The following GAB2 variants were observed in gnomAD, a reference collection of about 807,000 sequenced individuals.
The protein encoded by GAB2 is GRB2-associated-binding protein 2.
In GAB2, 26 loss-of-function variants were observed where a neutral mutation model predicts 65.5. The ratio of observed to expected loss-of-function variants is 0.40; its 90% CI spans 0.29 to 0.55. The LOEUF is 0.55. Ranked by LOEUF, GAB2 falls within the 20% of genes least tolerant of loss-of-function variation. The pLI is 0.53. For synonymous variants in GAB2, 321 were observed against 329.6 expected (o/e 0.97, Z 0.28); for missense variants, 884 against 875.8 (o/e 1.01, Z -0.12).
At chr11:78,266,620 A>G (rs1179471951) in intron 2 of GAB2, among the ~76,000 whole-genome samples, 1 of 152,240 alleles carries the variant, frequency 6.6e-6, no homozygotes, top group African/African-American at 2.4e-5. Context: ...TCTGGTAGTT[A>G]TATCTTGGCA....
At chr11:78,269,717 T>G (rs1395204556) in intron 2 of GAB2, among the ~76,000 whole-genome samples, 2 of 152,250 alleles carry the variant, frequency 1.3e-5, no homozygotes, top group African/African-American at 4.8e-5. Flanking sequence ...ACTAGAAGTT[T>G]AAGTATTTAC....
chr11:78,356,366 A>G (rs562820712), intron 1 of GAB2, among the ~76,000 whole-genome samples: 1 of 152,322 alleles, frequency 6.6e-6, no homozygotes, highest in East Asian at 1.9e-4. Context: ...CCTGCAAGAC[A>G]GAAATGTTTA....
At chr11:78,227,606 G>A (rs1864712525) in intron 3 of GAB2, among the ~76,000 whole-genome samples, 1 of 132,880 alleles carries the variant, frequency 7.5e-6, no homozygotes. Flanking sequence ...ACCAGCCTGG[G>A]AACACAATAA....
At chr11:78,372,895 A>G (rs998961130) in intron 1 of GAB2, among the ~76,000 whole-genome samples, 4 of 152,146 alleles carry the variant, frequency 2.6e-5, no homozygotes, top group African/African-American at 2.4e-5. Context: ...ATTCTTTATT[A>G]AGAAGATTCA....
intron 2 of GAB2, among the ~76,000 whole-genome samples, chr11:78,265,120 C>T (rs768428622): frequency 4.6e-5 from 7 of 151,530 alleles, no homozygotes; most frequent in African/African-American, 9.7e-5. Flanking sequence ...TCCAAGACCA[C>T]GTTTAGACTA....
intron 1 of GAB2, chr11:78,341,825 T>C (rs1042680743): frequency 6.4e-5 from 63 of 985,044 alleles, no homozygotes; most frequent in Non-Finnish European, 7.6e-5. Context: ...CTCGCCTTTG[T>C]CTCAGTTACT....
intron 1 of GAB2, among the ~76,000 whole-genome samples, chr11:78,409,695 A>G (rs1857102391): frequency 6.6e-6 from 1 of 152,246 alleles, no homozygotes; most frequent in Non-Finnish European, 1.5e-5. Context: ...CTGTCTCTCA[A>G]CAATCGACAG....
chr11:78,367,787 A>T (rs1337441412), intron 1 of GAB2, among the ~76,000 whole-genome samples: 4 of 150,738 alleles, frequency 2.7e-5, no homozygotes, highest in Non-Finnish European at 3.0e-5. Flanking sequence ...TTCAGAAAAC[A>T]TCTCAGAATA....
intron 9 of GAB2, among the ~76,000 whole-genome samples, 158 bp downstream of exon 9, chr11:78,220,161 G>A (rs1864349895): frequency 6.6e-6 from 1 of 152,214 alleles, no homozygotes; most frequent in African/African-American, 2.4e-5. Flanking sequence ...AGACCTAGAT[G>A]AAAGCTCTAT....
At chr11:78,309,926 A>ATGTGTGTGTGTGTGTGTGTGTGTG (rs60718900) in intron 1 of GAB2, among the ~76,000 whole-genome samples, 15 of 135,698 alleles carry the variant, frequency 1.1e-4, no homozygotes, top group African/African-American at 4.5e-4. Flanking sequence ...AGGGTTAGAA[A>ATGTGTGTGTGTGTGTGTGTGTGTG]TGTGTGTGTG....
chr11:78,321,076 C>T (rs1349230036), intron 1 of GAB2, among the ~76,000 whole-genome samples: 3 of 152,086 alleles, frequency 2.0e-5, no homozygotes, highest in African/African-American at 4.8e-5. Context: ...GCAGGTTTCC[C>T]GAGCTGTAGG....
At chr11:78,404,182 C>G (rs1210192214) in intron 1 of GAB2, among the ~76,000 whole-genome samples, 1 of 152,204 alleles carries the variant, frequency 6.6e-6, no homozygotes, top group African/African-American at 2.4e-5. Flanking sequence ...AGCCAACATG[C>G]AGAATCAACC....
Position 78,247,069 on chromosome 11 carries a change from T to C in GAB2, c.620+3088A>G, listed in dbSNP as rs562165789. ...AATGGGGCTCCTCTTCTGGTTCCCC[T>C]ACTCAGAAAGATGGGGTTTTTTATG... On this transcript the variant is annotated intron_variant, in intron 3 of 9. Coordinates refer to ENST00000361507, the MANE Select transcript of GAB2 (RefSeq NM_080491.3). Among the ~76,000 whole-genome samples the C allele has an allele frequency of 2.0e-5, 3 of 152,334 alleles. No homozygotes were observed. The East Asian group carries it at 5.8e-4, about 29-fold the overall frequency.
chr11:78,414,156 C>T (rs868378223), intron 1 of GAB2, among the ~76,000 whole-genome samples: 2 of 151,346 alleles, frequency 1.3e-5, no homozygotes, highest in South Asian at 2.1e-4. Context: ...GAAAATGTGG[C>T]CATTCATCGT....
chr11:78,367,826 T>TC (rs1856516999), intron 1 of GAB2, among the ~76,000 whole-genome samples: 3 of 142,972 alleles, frequency 2.1e-5, no homozygotes, highest in African/African-American at 8.2e-5. Context: ...TTTTTCTTTT[T>TC]TTTTTTTTTT....
intron 1 of GAB2, among the ~76,000 whole-genome samples, chr11:78,333,273 T>A (rs2134680210): frequency 6.6e-6 from 1 of 152,310 alleles, no homozygotes. Flanking sequence ...TTTTTTTATT[T>A]TTTATTTTTA....
chr11:78,280,841 G>C lies in GAB2; in HGVS notation c.136C>G (p.Leu46Val), dbSNP rs753269969. The C allele has an allele frequency of 1.3e-5, 21 of 1,613,978 alleles. No homozygotes were observed. The highest frequency in any genetic ancestry group is 1.8e-5 in the Non-Finnish European group (21 of 1,179,946). Residue 46 changes from leucine (L) to valine (V), a missense_variant, in exon 2 of 10, where the codon CTG becomes GTG. By Grantham distance (32) the Leu-to-Val change is conservative. Transcript: ENST00000361507. ...SGRMSGDPDVLEYYKNDHSKK... is the reference protein window; with the variant it reads ...SGRMSGDPDVVEYYKNDHSKK... ...GAGTGATCGTTCTTGTAGTATTCCA[G>C]AACATCTGGGTCACCGCTCATCCGG...
At position 78,220,410 on chromosome 11, in the gene GAB2, C is replaced by A; in HGVS notation, c.1796G>T (p.Gly599Val). The part of the protein sequence containing the change: ...NPVSASPVPS[G>V]TNSPAPKKST... Reference sequence around the variant, plus strand: ...CTTCTTAGGGGCAGGACTGTTCGTGCCACTGGGAACGGGAGATGCAGACAC... The same window carrying A: ...CTTCTTAGGGGCAGGACTGTTCGTGACACTGGGAACGGGAGATGCAGACAC... Residue 599 changes from glycine (G) to valine (V), a missense_variant, in exon 9 of 10, where the codon GGC (glycine) becomes GTC (valine). Transcript: ENST00000361507. 6.3e-7 allele frequency: 1 copy of A among 1,594,262 alleles called. No homozygotes were observed. The highest frequency in any genetic ancestry group is 8.6e-7 in the Non-Finnish European group (1 of 1,165,362).
intron 1 of GAB2, among the ~76,000 whole-genome samples, chr11:78,359,773 T>G (rs1856408982): frequency 6.6e-6 from 1 of 152,208 alleles, no homozygotes; most frequent in African/African-American, 2.4e-5. Context: ...AGTTTAGGTA[T>G]GCTAAGATTC....
Sources: gnomAD v4.1 joint callset for allele counts (sites outside exome capture counted in the v4.1 genomes callset) on GRCh38, gnomAD v4.1.1 for gene constraint, MANE v1.5 for transcripts, NCBI Gene and HGNC (gene_info 2026-07-23, HGNC 2026-07-21) for gene names.